IQCH: variants seen among roughly 807,000 people sequenced by gnomAD.
IQCH encodes IQ motif containing H.
A neutral mutation model predicts 117.0 loss-of-function variants in IQCH; 98 were observed. That is an observed-to-expected ratio of 0.84 (90% confidence interval 0.71 to 0.99). The LOEUF is 0.99. Ranked by LOEUF, IQCH falls within the 50% of genes least tolerant of loss-of-function variation. The probability of loss-of-function intolerance (pLI) is 0.00; values close to 1 mark genes in which losing one functional copy is unlikely to be tolerated. For synonymous variants in IQCH, 412 were observed against 448.2 expected, an observed-to-expected ratio of 0.92 and a Z score of 1.02; for missense variants, 1,102 against 1,243.8, an observed-to-expected ratio of 0.89 and a Z score of 1.72.
At chr15:67,286,845 T>G (rs1451339432) in intron 4 of IQCH, among the ~76,000 whole-genome samples, 1 of 152,104 alleles carries the variant, frequency 6.6e-6, no homozygotes, top group Non-Finnish European at 1.5e-5. Flanking sequence ...ACTCCTGACC[T>G]CAAATGATCC....
At position 67,467,618 on chromosome 15, in the gene IQCH, C is replaced by T. The variant is rs2082966905; in HGVS notation, c.2676+2321C>T. 6.6e-6 allele frequency among the ~76,000 whole-genome samples: 1 copy of T among 152,184 alleles called. No individual in the cohort carries two copies. The highest frequency in any genetic ancestry group is 1.9e-4 in the East Asian group (1 of 5,194). On this transcript the variant is annotated intron_variant, in intron 17 of 20. Transcript: ENST00000335894. This position sits in a 1 kb window ranked among gnomAD's most constrained non-coding sequence, Gnocchi z 5.7. ...ACTATGCTTGGGTTGTGCACACACC[C>T]TCCTGTGCATGTGTACACATATGAT...
At chr15:67,326,664 T>A (rs1431061440) in intron 4 of IQCH, among the ~76,000 whole-genome samples, 1 of 152,178 alleles carries the variant, frequency 6.6e-6, no homozygotes, top group East Asian at 1.9e-4. Context: ...TCATTCTAAC[T>A]GGTGTGAAGT....
At chr15:67,488,968 AAC>A (rs1425849932) in intron 18 of IQCH, among the ~76,000 whole-genome samples, 1 of 152,080 alleles carries the variant, frequency 6.6e-6, no homozygotes. Context: ...TGCTATAGAC[AAC>A]ACAGTTTCCC....
Position 67,372,656 on chromosome 15 carries a change from A to G in IQCH, c.1299A>G (p.Arg433=). 1 of 1,602,650 alleles carries G rather than the reference A, an allele frequency of 6.2e-7. No individual in the cohort carries two copies. Among genetic ancestry groups the G allele is most frequent in the Non-Finnish European group, 8.5e-7 (1 of 1,173,864 alleles). Residue 433 remains arginine (R), a synonymous_variant, in exon 9 of 21, where the codon CGA becomes CGG. Coordinates refer to ENST00000335894, the MANE Select transcript of IQCH (RefSeq NM_001031715.3). ...RQRHLENFRI[R]AKHLAANWNR... ...GACACCTGGAGAATTTTCGCATTCGAGCCAAGGTGCACAAGGCTGCCAGCT... is the reference window on the plus strand; with the variant it reads ...GACACCTGGAGAATTTTCGCATTCGGGCCAAGGTGCACAAGGCTGCCAGCT...
In IQCH at chr15:67,380,375, G is replaced by GC. The variant is rs112613391; in HGVS notation, c.1373-4555dup. ...CAAAATTCCCTAATCCCCTTCAATA[G>GC]CCCCCCAAAAAACCAACTATTAGTT... On this transcript the variant is annotated intron_variant, in intron 10 of 20. Coordinates refer to ENST00000335894, the MANE Select transcript of IQCH (RefSeq NM_001031715.3). Among the ~76,000 whole-genome samples, 84 of 152,114 alleles carry GC rather than the reference G, an allele frequency of 5.5e-4. 1 individual carries two copies. The highest frequency in any genetic ancestry group is 1.9e-3 in the African/African-American group (80 of 41,512).
In IQCH at chr15:67,369,801, C is replaced by G. The variant is rs1970462636; in HGVS notation, c.754-2310C>G. Among the ~76,000 whole-genome samples the G allele has an allele frequency of 6.6e-6, 1 of 152,146 alleles. No individual in the cohort carries two copies. The highest frequency in any genetic ancestry group is 2.4e-5 in the African/African-American group (1 of 41,434). On this transcript the variant is annotated intron_variant, in intron 8 of 20. Coordinates refer to ENST00000335894, the MANE Select transcript of IQCH (RefSeq NM_001031715.3). This position sits in a 1 kb window ranked among gnomAD's most constrained non-coding sequence, Gnocchi z 5.2. ...GATGCACTGCTTTAATTTGGGAAGC[C>G]TTTCTCTTGAGAGGCATGTCTTTTC...
Position 67,457,608 on chromosome 15 carries a change from T to C in IQCH, c.2506-7519T>C, listed in dbSNP as rs2082689606. Among the ~76,000 whole-genome samples, 1 of 152,166 alleles carries C rather than the reference T, an allele frequency of 6.6e-6. No individual in the cohort carries two copies. The highest frequency in any genetic ancestry group is 6.5e-5 in the Admixed American group (1 of 15,282). On this transcript the variant is annotated intron_variant, in intron 16 of 20. Transcript: ENST00000335894. The surrounding 1 kb of genome is among the most constrained non-coding windows in gnomAD (Gnocchi z 5.7). Reference sequence around the variant, plus strand: ...CAGATTTATGTCTGCCAGGCCTCTGTAGTAATAGTCTCACACACTATCTCA... The same window carrying C: ...CAGATTTATGTCTGCCAGGCCTCTGCAGTAATAGTCTCACACACTATCTCA...
chr15:67,421,235 C>G (rs1031553221), intron 15 of IQCH, 56 bp from the exon 16 acceptor site: 4 of 1,466,810 alleles, frequency 2.7e-6, no homozygotes, highest in Admixed American at 1.9e-5. Context: ...AGAATCTGAG[C>G]CCAAGTCAAA....
At position 67,372,356 on chromosome 15, in the gene IQCH, G is replaced by T; in HGVS notation, c.999G>T (p.Leu333=). The change falls in exon 9 of 21, where the codon CTG becomes CTT. Residue 333 remains leucine, a synonymous_variant. Transcript: ENST00000335894. Reference sequence around the variant, plus strand: ...TGGCCCTCCTTCCAGAGTTTGAGCTGACGAATAAACTTACCAGATATGACC... The same window carrying T: ...TGGCCCTCCTTCCAGAGTTTGAGCTTACGAATAAACTTACCAGATATGACC... ...NLVALLPEFE[L]TNKLTRYDLL... The T allele has an allele frequency of 6.2e-7, 1 of 1,614,036 alleles. No homozygotes were observed. Among genetic ancestry groups the T allele is most frequent in the Non-Finnish European group, 8.5e-7 (1 of 1,179,990 alleles).
At chr15:67,284,853 A>G (rs1223657229) in intron 4 of IQCH, among the ~76,000 whole-genome samples, 2 of 152,020 alleles carry the variant, frequency 1.3e-5, no homozygotes, top group Non-Finnish European at 2.9e-5. Flanking sequence ...TATCCAGTCT[A>G]TTATTGATGG....
intron 5 of IQCH, among the ~76,000 whole-genome samples, chr15:67,337,487 A>G (rs1968948462): frequency 6.6e-6 from 1 of 152,242 alleles, no homozygotes; most frequent in South Asian, 2.1e-4. Flanking sequence ...ATATGAAGCC[A>G]GAATTAATGT....
chr15:67,363,575 A>G (rs1053895146), intron 8 of IQCH, among the ~76,000 whole-genome samples: 1 of 152,166 alleles, frequency 6.6e-6, no homozygotes, highest in Non-Finnish European at 1.5e-5. Context: ...TTTTAGGTTC[A>G]GAAATACATT....
rs2082412100 is a variant in IQCH at position 67,447,344 on chromosome 15, CA to C, written c.2506-17779del. 6.6e-6 allele frequency among the ~76,000 whole-genome samples: 1 copy of C among 152,150 alleles called. No homozygotes were observed. Among genetic ancestry groups the C allele is most frequent in the Non-Finnish European group, 1.5e-5 (1 of 68,032 alleles). On this transcript the variant is annotated intron_variant, in intron 16 of 20. Coordinates refer to ENST00000335894, the MANE Select transcript of IQCH (RefSeq NM_001031715.3). This position sits in a 1 kb window ranked among gnomAD's most constrained non-coding sequence, Gnocchi z 5.3. The stretch of plus-strand genomic sequence containing the variant: ...CAGCTTTCTAAAGATTGCTGCCATC[CA>C]AAAGGATGTCCTATTAGCCTGACAG...
chr15:67,348,368 C>CAT (rs1969500467), intron 6 of IQCH, among the ~76,000 whole-genome samples: 1 of 151,656 alleles, frequency 6.6e-6, no homozygotes, highest in African/African-American at 2.4e-5. Context: ...CACACACACA[C>CAT]ACACACACAC....
intron 18 of IQCH, among the ~76,000 whole-genome samples, chr15:67,489,033 A>G (rs1355391053): frequency 6.6e-6 from 1 of 151,290 alleles, no homozygotes; most frequent in South Asian, 2.1e-4. Context: ...ATATACATAT[A>G]TAATTTTTTT....
chr15:67,276,975 A>G (rs1966150465), intron 3 of IQCH, among the ~76,000 whole-genome samples: 1 of 152,136 alleles, frequency 6.6e-6, no homozygotes, highest in African/African-American at 2.4e-5. Context: ...TTATAACTGA[A>G]TATTCTGTAC....
At chr15:67,321,940 A>G (rs922193862) in intron 4 of IQCH, among the ~76,000 whole-genome samples, 1 of 152,172 alleles carries the variant, frequency 6.6e-6, no homozygotes, top group Non-Finnish European at 1.5e-5. Flanking sequence ...TGTATATCCT[A>G]CAATTGTTGG....
At chr15:67,449,607 A>G (rs2082470819) in intron 16 of IQCH, among the ~76,000 whole-genome samples, 1 of 152,174 alleles carries the variant, frequency 6.6e-6, no homozygotes, top group South Asian at 2.1e-4. Context: ...TAGCAGTACC[A>G]TGCTGTTTTG....
chr15:67,494,119 T>C lies in IQCH; in HGVS notation c.2862-139T>C, dbSNP rs1056643019. The C allele has an allele frequency of 3.6e-6, 2 of 556,662 alleles. No individual in the cohort carries two copies. Among genetic ancestry groups the C allele is most frequent in the South Asian group, 2.7e-5 (1 of 36,398 alleles). The allele number at this position is 556,662 out of a possible 1,614,324, so 34.5% of individuals were successfully genotyped here. A position where few individuals can be genotyped will look rare whatever the true frequency, so the allele number is the denominator to read the frequency against. On this transcript the variant is annotated intron_variant, in intron 19 of 20. Transcript: ENST00000335894. The surrounding 1 kb of genome is among the most constrained non-coding windows in gnomAD (Gnocchi z 5.5). ...AAAATGGAGTCTCATCTTTCATATC[T>C]CCCTGAAGATTGCCACCTTGTGAGA...
Sources: gnomAD v4.1 joint callset for allele counts (sites outside exome capture counted in the v4.1 genomes callset) on GRCh38, gnomAD v4.1.1 for gene constraint, Gnocchi (gnomAD v3.1) non-coding constraint, MANE v1.5 for transcripts, NCBI Gene and HGNC (gene_info 2026-07-23, HGNC 2026-07-21) for gene names.